The following TRHR variants were observed in gnomAD, a reference collection of about 807,000 sequenced individuals.
The protein encoded by TRHR is thyrotropin releasing hormone receptor, also known as thyrotropin-releasing hormone receptor.
A neutral mutation model predicts 28.0 loss-of-function variants in TRHR; 14 were observed. The observed-to-expected ratio is 0.50, with a 90% CI of 0.33 to 0.78. The LOEUF is 0.78. Among genes scored for constraint, TRHR ranks in the 30% least tolerant of loss-of-function variants. The pLI, the probability that TRHR is intolerant of heterozygous loss-of-function variation, is 0.02. For missense variants in TRHR, 438 were observed against 469.5 expected, an observed-to-expected ratio of 0.93 and a Z score of 0.62; for synonymous variants, 176 against 171.9, an observed-to-expected ratio of 1.02 and a Z score of -0.18.
At chr8:109,112,127 T>C (rs1811843645) in intron 2 of TRHR, among the ~76,000 whole-genome samples, 1 of 152,186 alleles carries the variant, frequency 6.6e-6, no homozygotes, top group Admixed American at 6.5e-5. Context: ...TCCAACTCTT[T>C]CTTCTATACC....
intron 2 of TRHR, among the ~76,000 whole-genome samples, chr8:109,107,507 T>TA (rs774533363): frequency 9.2e-5 from 14 of 152,204 alleles, no homozygotes; most frequent in Non-Finnish European, 1.9e-4. Context: ...ACTATACTAA[T>TA]ACTGCAAACC....
At chr8:109,090,094 G>A (rs1173637929) in intron 2 of TRHR, among the ~76,000 whole-genome samples, 1 of 152,166 alleles carries the variant, frequency 6.6e-6, no homozygotes, top group East Asian at 1.9e-4. Context: ...GGGCTTAAAT[G>A]CCAGGATTCC....
chr8:109,088,265 T>C lies in TRHR; in HGVS notation c.753T>C (p.Asn251=), dbSNP rs1255653544. The change falls in exon 2 of 3, where the codon AAT becomes AAC. Residue 251 remains asparagine, a synonymous_variant. Transcript: ENST00000518632. ...QNTNLNVNTS[N]RCFNSTVSSR... ...CAAATCTGAATGTAAATACCTCTAA[T>C]AGATGTTTCAACAGCACAGTATCTT... 7.4e-6 allele frequency: 12 copies of C among 1,613,974 alleles called. No homozygotes were observed. Among genetic ancestry groups the C allele is most frequent in the Non-Finnish European group, 9.3e-6 (11 of 1,180,006 alleles).
At chr8:109,090,919 TGTGAAA>T (rs1012713877) in intron 2 of TRHR, among the ~76,000 whole-genome samples, 2 of 151,928 alleles carry the variant, frequency 1.3e-5, no homozygotes, top group Admixed American at 6.6e-5. Flanking sequence ...TGGATTGATG[TGTGAAA>T]GTGAAAGAAG....
At chr8:109,109,425 G>A (rs891098882) in intron 2 of TRHR, among the ~76,000 whole-genome samples, 8 of 151,222 alleles carry the variant, frequency 5.3e-5, no homozygotes, top group Admixed American at 2.6e-4. Context: ...AAGTAGGGCC[G>A]TTAAGGTTAA....
rs774657212 is a variant in TRHR, at chr8:109,087,608, A to T, written c.96A>T (p.Val32=). ...ACCAGGTGGTCACCATCTTACTTGT[A>T]CTCATTATTTGTGGCCTGGGCATTG... The part of the protein sequence containing the change: ...LEYQVVTILL[V]LIICGLGIVG... The change falls in exon 2 of 3, where the codon GTA becomes GTT. Residue 32 remains valine, a synonymous_variant. Coordinates refer to ENST00000518632, the MANE Select transcript of TRHR (RefSeq NM_003301.7). 1.9e-6 allele frequency: 3 copies of T among 1,614,114 alleles called. No homozygotes were observed. Among genetic ancestry groups the T allele is most frequent in the Non-Finnish European group, 2.5e-6 (3 of 1,180,032 alleles).
At position 109,119,578 on chromosome 8, in the gene TRHR, T is replaced by A; in HGVS notation, c.*123T>A. On this transcript the variant is annotated 3_prime_UTR_variant, in exon 3 of 3. Transcript: ENST00000518632. ...AGCAGATCAGTCTTTGTCAATGCTC[T>A]AACAAATTCTGGCCCTAGATACTTT... 1.7e-6 allele frequency: 2 copies of A among 1,195,252 alleles called. No individual in the cohort carries two copies. Among genetic ancestry groups the A allele is most frequent in the African/African-American group, 1.5e-5 (1 of 66,080 alleles). The allele number at this position is 1,195,252 out of a possible 1,614,324, so 74.0% of individuals were successfully genotyped here.
intron 2 of TRHR, among the ~76,000 whole-genome samples, chr8:109,093,856 TAAAAAA>T (rs77744561): frequency 7.1e-6 from 1 of 140,864 alleles, no homozygotes; most frequent in African/African-American, 2.6e-5. Context: ...CCAACTCATT[TAAAAAA>T]AAAAAAAAAA....
rs181555091 is a variant in TRHR, at chr8:109,087,086, A to T, written c.-89+203A>T. Among the ~76,000 whole-genome samples the T allele has an allele frequency of 2.3e-3, 344 of 152,240 alleles. 1 individual carries two copies. Among genetic ancestry groups the T allele is most frequent in the African/African-American group, 7.9e-3 (328 of 41,550 alleles). ...TTTTCTTCTTTATTATACTTTTGCC[A>T]GGCATCTAAGAGGTGTATTCATATT... On this transcript the variant is annotated intron_variant, in intron 1 of 2. Coordinates refer to ENST00000518632, the MANE Select transcript of TRHR (RefSeq NM_003301.7).
At chr8:109,091,335 A>C (rs1811515203) in intron 2 of TRHR, among the ~76,000 whole-genome samples, 1 of 152,302 alleles carries the variant, frequency 6.6e-6, no homozygotes, top group African/African-American at 2.4e-5. Context: ...TGGTGCCCCG[A>C]TCAGTGGGAA....
At chr8:109,097,073 G>C (rs1048765945) in intron 2 of TRHR, among the ~76,000 whole-genome samples, 5 of 152,116 alleles carry the variant, frequency 3.3e-5, no homozygotes, top group African/African-American at 1.2e-4. Flanking sequence ...CCTCCAAATA[G>C]GACAGGCTGA....
chr8:109,096,706 C>T (rs1255239066), intron 2 of TRHR, among the ~76,000 whole-genome samples: 2 of 152,118 alleles, frequency 1.3e-5, no homozygotes, highest in African/African-American at 4.8e-5. Flanking sequence ...CCAGGGCCCC[C>T]TCTTTTTTTG....
chr8:109,099,941 AAAT>A (rs1406259749), intron 2 of TRHR, among the ~76,000 whole-genome samples: 3 of 152,188 alleles, frequency 2.0e-5, no homozygotes, highest in Non-Finnish European at 2.9e-5. Flanking sequence ...TTAGCTTAGA[AAAT>A]AAGGAAGTGG....
At position 109,087,952 on chromosome 8, in the gene TRHR, T is replaced by C. The variant is rs144261010; in HGVS notation, c.440T>C (p.Ile147Thr). The change falls in exon 2 of 3, where the codon ATC (isoleucine) becomes ACC (threonine). Residue 147 changes from isoleucine to threonine, a missense_variant. Physicochemically the swap from Ile to Thr is moderately conservative, Grantham distance 89. Transcript: ENST00000518632. ...TTTTCCAGAGCCAAAAAGATTATCATCTTTGTCTGGGCTTTCACATCTCTT... is the reference window on the plus strand; with the variant it reads ...TTTTCCAGAGCCAAAAAGATTATCACCTTTGTCTGGGCTTTCACATCTCTT... ...CTFSRAKKII[I>T]FVWAFTSLYC... The C allele has an allele frequency of 3.1e-6, 5 of 1,614,148 alleles. No homozygotes were observed. The South Asian group carries it at 5.5e-5, about 18-fold the overall frequency.
chr8:109,104,003 A>G (rs900943490), intron 2 of TRHR, among the ~76,000 whole-genome samples: 5 of 152,322 alleles, frequency 3.3e-5, no homozygotes, highest in Middle Eastern at 3.4e-3. Context: ...CTGGGCTGTG[A>G]TGAAATGAAT....
chr8:109,106,052 T>C (rs933384459), intron 2 of TRHR, among the ~76,000 whole-genome samples: 1 of 152,158 alleles, frequency 6.6e-6, no homozygotes, highest in Admixed American at 6.6e-5. Context: ...TTCCACAAAA[T>C]TGCCAAATGC....
intron 1 of TRHR, 59 bp from the exon 2 acceptor site, chr8:109,087,366 T>C (rs1811447595): frequency 1.2e-6 from 1 of 863,670 alleles, no homozygotes; most frequent in South Asian, 1.5e-5. Flanking sequence ...TTATTTGTGA[T>C]TGGGACTTGA....
At chr8:109,093,562 T>C (rs1167133064) in intron 2 of TRHR, among the ~76,000 whole-genome samples, 2 of 151,726 alleles carry the variant, frequency 1.3e-5, no homozygotes, top group East Asian at 1.9e-4. Flanking sequence ...TGCACCACCA[T>C]GGCCAGCTAA....
intron 2 of TRHR, among the ~76,000 whole-genome samples, chr8:109,092,440 TATTTATTTATTTTTGAGATAGAGTCTC>T (rs1043937428): frequency 4.0e-5 from 6 of 151,212 alleles, no homozygotes; most frequent in Non-Finnish European, 5.9e-5. Flanking sequence ...TTTATTTATT[TATTTATTTATTTTTGAGATAGAGTCTC>T]CCTCTGTAGC....
Sources: allele counts gnomAD v4.1 joint callset (sites outside exome capture counted in the v4.1 genomes callset), GRCh38; gene constraint gnomAD v4.1.1; transcripts MANE v1.5; gene names NCBI Gene and HGNC (gene_info 2026-07-23, HGNC 2026-07-21).